COL19A1: variants seen among roughly 807,000 people sequenced by gnomAD.
COL19A1 encodes collagen alpha-1(XIX) chain.
A neutral mutation model predicts 190.2 loss-of-function variants in COL19A1; 159 were observed. The ratio of observed to expected loss-of-function variants is 0.84; its 90% CI spans 0.73 to 0.95. COL19A1 has a LOEUF of 0.95. Ranked by LOEUF, COL19A1 falls within the 40% of genes least tolerant of loss-of-function variation. COL19A1 has a pLI of 0.00. For synonymous variants in COL19A1, 509 were observed against 458.9 expected (o/e 1.11, Z -1.39); for missense variants, 1,418 against 1,431.9 (o/e 0.99, Z 0.16).
intron 16 of COL19A1, among the ~76,000 whole-genome samples, chr6:70,119,951 C>T (rs1037483114): frequency 4.3e-4 from 66 of 152,108 alleles, no homozygotes; most frequent in African/African-American, 1.5e-3. Flanking sequence ...ATTAGCCAGG[C>T]ATGGTGGCAC....
intron 14 of COL19A1, among the ~76,000 whole-genome samples, chr6:70,047,241 T>C (rs768325896): frequency 6.6e-6 from 1 of 152,146 alleles, no homozygotes; most frequent in African/African-American, 2.4e-5. Flanking sequence ...AAATACTTAA[T>C]GTCAAGATGA....
At chr6:69,905,154 A>G (rs1770465239) in intron 4 of COL19A1, among the ~76,000 whole-genome samples, 2 of 152,026 alleles carry the variant, frequency 1.3e-5, no homozygotes, top group South Asian at 2.1e-4. Flanking sequence ...CCTGCCAACT[A>G]TGCCAATTGT....
intron 2 of COL19A1, among the ~76,000 whole-genome samples, chr6:69,886,837 C>G (rs1403830132): frequency 6.6e-6 from 1 of 152,126 alleles, no homozygotes; most frequent in Non-Finnish European, 1.5e-5. Flanking sequence ...ACATATCCAC[C>G]TTGTGATAGC....
chr6:69,947,983 T>A (rs1773918995), intron 9 of COL19A1, among the ~76,000 whole-genome samples: 1 of 151,854 alleles, frequency 6.6e-6, no homozygotes, highest in Non-Finnish European at 1.5e-5. Context: ...CGATTCTTCA[T>A]CATAAATAAA....
intron 2 of COL19A1, chr6:69,889,845 C>G (rs551254712): frequency 6.6e-6 from 1 of 152,392 alleles, no homozygotes; most frequent in African/African-American, 2.4e-5. Context: ...AAGCTGGCCA[C>G]CCCAGCCAGC....
intron 11 of COL19A1, among the ~76,000 whole-genome samples, chr6:70,001,463 A>G (rs1008828130): frequency 6.6e-6 from 1 of 152,134 alleles, no homozygotes; most frequent in African/African-American, 2.4e-5. Context: ...TTTGGTCAGT[A>G]TGGCCATTTT....
Position 70,068,430 on chromosome 6 carries a change from T to C in COL19A1, c.1178T>C (p.Leu393Pro). The C allele has an allele frequency of 6.3e-7, 1 of 1,595,956 alleles. No homozygotes were observed. Among genetic ancestry groups the C allele is most frequent in the Non-Finnish European group, 8.6e-7 (1 of 1,164,384 alleles). The change falls in exon 15 of 51, where the codon CTG becomes CCG. Residue 393 changes from leucine to proline, a missense_variant. Leu to Pro is a moderately conservative substitution (Grantham distance 98). Transcript: ENST00000620364. ...GTCTCTTTTTCCTCATAGGGTTCCC[T>C]GGGGATACAAGGCCCCCAAGGTCCA... Reference protein sequence around the residue: ...PPGPPALPGSLGIQGPQGPPG... With the variant: ...PPGPPALPGSPGIQGPQGPPG...
At position 70,207,196 on chromosome 6, in the gene COL19A1, A is replaced by G. The variant is rs774973907; in HGVS notation, c.3351A>G (p.Pro1117=). The change falls in exon 51 of 51, where the codon CCA becomes CCG. Residue 1117 remains proline, a synonymous_variant. Coordinates refer to ENST00000620364, the MANE Select transcript of COL19A1 (RefSeq NM_001858.6). ...GTGCCCCAGGCCCACAGGGCCCCCCAGGACCCAGTGGAAGATGTAACCCAG... is the reference window on the plus strand; with the variant it reads ...GTGCCCCAGGCCCACAGGGCCCCCCGGGACCCAGTGGAAGATGTAACCCAG... The part of the protein sequence containing the change: ...SPGAPGPQGP[P]GPSGRCNPED... 1.2e-6 allele frequency: 2 copies of G among 1,613,806 alleles called. No individual in the cohort carries two copies. The highest frequency in any genetic ancestry group is 1.1e-5 in the South Asian group (1 of 91,060).
At chr6:69,892,856 A>G (rs1769446951) in intron 2 of COL19A1, among the ~76,000 whole-genome samples, 1 of 152,224 alleles carries the variant, frequency 6.6e-6, no homozygotes, top group South Asian at 2.1e-4. Flanking sequence ...AAGCCTTGGT[A>G]AAACAACCAC....
intron 14 of COL19A1, among the ~76,000 whole-genome samples, chr6:70,046,368 G>A (rs933914913): frequency 3.2e-4 from 49 of 152,024 alleles, no homozygotes; most frequent in African/African-American, 1.2e-3. Flanking sequence ...GTTTCCCCAG[G>A]TAATTAAATA....
At chr6:70,190,294 C>T (rs1583130934) in intron 47 of COL19A1, 21 bp from the exon 48 acceptor site, 4 of 1,570,594 alleles carry the variant, frequency 2.5e-6, no homozygotes, top group Non-Finnish European at 3.5e-6. Flanking sequence ...ATTTTAACAA[C>T]CTTTTTTTTT....
In COL19A1 at chr6:70,139,139, G is replaced by A. The variant is rs185782352; in HGVS notation, c.1446+1392G>A. Among the ~76,000 whole-genome samples the A allele has an allele frequency of 7.7e-4, 117 of 152,206 alleles. 1 individual carries two copies. Among genetic ancestry groups the A allele is most frequent in the Non-Finnish European group, 1.4e-3 (98 of 67,992 alleles). ...GGAGAAACTTTCAGTGAGTTAGAGC[G>A]GTGCTTCTCAAATGTGAACATGCAC... On this transcript the variant is annotated intron_variant, in intron 19 of 50. Coordinates refer to ENST00000620364, the MANE Select transcript of COL19A1 (RefSeq NM_001858.6).
In COL19A1 at chr6:70,168,210, C is replaced by G. The variant is rs2150268722; in HGVS notation, c.2536C>G (p.Pro846Ala). The G allele has an allele frequency of 1.9e-6, 3 of 1,613,172 alleles. No individual in the cohort carries two copies. In the East Asian group the frequency reaches 6.7e-5, roughly 36 times the overall value. ...NVPSYPGPPG[P>A]PGPKGDPGPV... Reference sequence around the variant, plus strand: ...TCCCAGTTACCCAGGGCCACCCGGTCCTCCTGTAAGTACAGTTGTTTATCA... The same window carrying G: ...TCCCAGTTACCCAGGGCCACCCGGTGCTCCTGTAAGTACAGTTGTTTATCA... Residue 846 changes from proline to alanine, a missense_variant, in exon 39 of 51, where the codon CCT becomes GCT. Physicochemically the swap from Pro to Ala is conservative, Grantham distance 27. Coordinates refer to ENST00000620364, the MANE Select transcript of COL19A1 (RefSeq NM_001858.6).
At chr6:70,133,913 C>T (rs542405755) in intron 18 of COL19A1, among the ~76,000 whole-genome samples, 1 of 152,316 alleles carries the variant, frequency 6.6e-6, no homozygotes, top group South Asian at 2.1e-4. Flanking sequence ...GAAAGATGGA[C>T]TGCAACCCCT....
intron 9 of COL19A1, among the ~76,000 whole-genome samples, chr6:69,957,117 A>G (rs963601035): frequency 3.9e-5 from 6 of 152,092 alleles, no homozygotes; most frequent in Non-Finnish European, 7.4e-5. Flanking sequence ...TTTTTATCAA[A>G]TGTCCTTCAG....
intron 15 of COL19A1, among the ~76,000 whole-genome samples, chr6:70,087,358 G>A (rs1196246567): frequency 6.6e-6 from 1 of 152,134 alleles, no homozygotes; most frequent in East Asian, 1.9e-4. Context: ...TGACCGTGGA[G>A]CAAAGATCTA....
intron 4 of COL19A1, among the ~76,000 whole-genome samples, chr6:69,921,434 A>T (rs1771855567): frequency 1.3e-5 from 1 of 78,530 alleles, no homozygotes; most frequent in Admixed American, 1.3e-4. Flanking sequence ...TATCATATAT[A>T]TCATATATAT....
intron 2 of COL19A1, among the ~76,000 whole-genome samples, chr6:69,887,885 C>T (rs1159724777): frequency 2.0e-5 from 3 of 152,108 alleles, no homozygotes; most frequent in African/African-American, 4.8e-5. Flanking sequence ...AGGCTCCTCC[C>T]GCTAAAAAGG....
At chr6:69,927,388 G>A (rs1772468804) in intron 4 of COL19A1, among the ~76,000 whole-genome samples, 2 of 152,046 alleles carry the variant, frequency 1.3e-5, no homozygotes, top group Admixed American at 1.3e-4. Flanking sequence ...AAGCTAACAG[G>A]TATATAGAAG....
Sources: gnomAD v4.1 joint callset for allele counts (sites outside exome capture counted in the v4.1 genomes callset) on GRCh38, gnomAD v4.1.1 for gene constraint, MANE v1.5 for transcripts, NCBI Gene and HGNC (gene_info 2026-07-23, HGNC 2026-07-21) for gene names.